Variants in PRMT8 observed in about 807,000 individuals in gnomAD.
PRMT8 encodes protein arginine N-methyltransferase 8.
Under a neutral mutation model 47.1 loss-of-function variants are expected in PRMT8, and 7 were observed. That is an observed-to-expected ratio of 0.15 (90% CI 0.08 to 0.28). The LOEUF (loss-of-function observed/expected upper bound fraction) is 0.28. Among genes scored for constraint, PRMT8 ranks in the 10% least tolerant of loss-of-function variants. The pLI is 1.00. For synonymous variants in PRMT8, 188 were observed against 186.5 expected, an observed-to-expected ratio of 1.01 and a Z score of -0.07; for missense variants, 237 against 505.4, an observed-to-expected ratio of 0.47 and a Z score of 5.09.
chr12:3,551,076 A>ACCCCCCCCCCCCCCCCCCCCCCCCCCC (rs3837513), intron 3 of PRMT8: 1 of 137,114 alleles, frequency 7.3e-6, no homozygotes. Context: ...AGCCCTGGGG[A>ACCCCCCCCCCCCCCCCCCCCCCCCCCC]CCCCCCCCCG....
At chr12:3,558,913 A>G (rs1191669301) in intron 4 of PRMT8, among the ~76,000 whole-genome samples, 3 of 152,050 alleles carry the variant, frequency 2.0e-5, no homozygotes, top group Non-Finnish European at 4.4e-5. Flanking sequence ...GAGAGCATGT[A>G]AATATTTCAT....
intron 4 of PRMT8, among the ~76,000 whole-genome samples, chr12:3,560,749 A>T (rs1449869998): frequency 2.0e-5 from 3 of 152,192 alleles, no homozygotes; most frequent in African/African-American, 7.2e-5. Context: ...TTAAGGTAGC[A>T]TGACATGAGG....
chr12:3,449,397 T>C (rs1864893979), intron 1 of PRMT8, among the ~76,000 whole-genome samples: 1 of 152,232 alleles, frequency 6.6e-6, no homozygotes, highest in African/African-American at 2.4e-5. Context: ...CACCAGCATC[T>C]GTAGTTTCTT....
At chr12:3,522,659 A>C (rs1408039634) in intron 1 of PRMT8, among the ~76,000 whole-genome samples, 116 of 151,744 alleles carry the variant, frequency 7.6e-4, no homozygotes, top group African/African-American at 2.5e-3. Flanking sequence ...AAAAAAAAAA[A>C]AAAAAAAAAC....
rs1005093101 is a variant in PRMT8 at position 3,493,926 on chromosome 12, G to A, written c.75+2226G>A. Among the ~76,000 whole-genome samples the A allele has an allele frequency of 2.0e-5, 3 of 152,226 alleles. No individual in the cohort carries two copies. The East Asian group carries it at 5.8e-4, about 29-fold the overall frequency. ...GTTCTTAGCAACTTCCCTGGAGAAG[G>A]GGTAGAACCCAGACTTGGTCAAACG... On this transcript the variant is annotated intron_variant, in intron 1 of 9. Coordinates refer to ENST00000382622, the MANE Select transcript of PRMT8 (RefSeq NM_019854.5). This position sits in a 1 kb window ranked among gnomAD's most constrained non-coding sequence, Gnocchi z 8.2.
intron 1 of PRMT8, among the ~76,000 whole-genome samples, chr12:3,509,232 AG>A (rs1865674628): frequency 6.6e-6 from 1 of 152,076 alleles, no homozygotes; most frequent in Non-Finnish European, 1.5e-5. Context: ...CATGCCCCTG[AG>A]TCCTCTTCCA....
At chr12:3,574,793 A>G (rs1191752540) in intron 6 of PRMT8, among the ~76,000 whole-genome samples, 1 of 152,250 alleles carries the variant, frequency 6.6e-6, no homozygotes, top group East Asian at 1.9e-4. Context: ...TCCAAAGCCT[A>G]GGCCTTTAAC....
At position 3,564,124 on chromosome 12, in the gene PRMT8, C is replaced by CA. The variant is rs1866680344; in HGVS notation, c.482-4581dup. Among the ~76,000 whole-genome samples the CA allele has an allele frequency of 6.6e-6, 1 of 152,134 alleles. No individual in the cohort carries two copies. Among genetic ancestry groups the CA allele is most frequent in the African/African-American group, 2.4e-5 (1 of 41,410 alleles). Reference sequence around the variant, plus strand: ...GGTGCAAGGCAGCCAGCATGGGTGTCACCAAAATAGGTGTATGAGCAAGGA... The same window carrying CA: ...GGTGCAAGGCAGCCAGCATGGGTGTCAACCAAAATAGGTGTATGAGCAAGGA... On this transcript the variant is annotated intron_variant, in intron 4 of 9. Coordinates refer to ENST00000382622, the MANE Select transcript of PRMT8 (RefSeq NM_019854.5). This position sits in a 1 kb window ranked among gnomAD's most constrained non-coding sequence, Gnocchi z 4.0.
intron 1 of PRMT8, among the ~76,000 whole-genome samples, chr12:3,466,370 T>C (rs1374845521): frequency 6.6e-6 from 1 of 152,198 alleles, no homozygotes; most frequent in Non-Finnish European, 1.5e-5. Context: ...CAATGAGATG[T>C]GCTTTTGTTC....
Position 3,564,676 on chromosome 12 carries a change from G to A in PRMT8, c.482-4030G>A, listed in dbSNP as rs11062723. ...CTGGAATAAAAACATGGATCCGGACGGTGACCTCAGTGCAACCTTGAGTTG... is the reference window on the plus strand; with the variant it reads ...CTGGAATAAAAACATGGATCCGGACAGTGACCTCAGTGCAACCTTGAGTTG... On this transcript the variant is annotated intron_variant, in intron 4 of 9. Coordinates refer to ENST00000382622, the MANE Select transcript of PRMT8 (RefSeq NM_019854.5). This position sits in a 1 kb window ranked among gnomAD's most constrained non-coding sequence, Gnocchi z 4.0. Among the ~76,000 whole-genome samples the A allele has an allele frequency of 0.27, 41,182 of 152,190 alleles. 5,841 individuals are homozygous for A. The highest frequency in any genetic ancestry group is 0.43 in the East Asian group (2,244 of 5,182).
chr12:3,546,319 G>T (rs1866326883), intron 2 of PRMT8, among the ~76,000 whole-genome samples: 1 of 152,132 alleles, frequency 6.6e-6, no homozygotes, highest in South Asian at 2.1e-4. Flanking sequence ...GTAAGTTGAA[G>T]AAAGGAAATA....
intron 1 of PRMT8, among the ~76,000 whole-genome samples, chr12:3,437,622 C>CTATATATATATATATATATA (rs57504454): frequency 5.5e-4 from 79 of 142,850 alleles, no homozygotes; most frequent in African/African-American, 2.0e-3. Context: ...TGCATTCAGG[C>CTATATATATATATATATATA]TATATATATA....
At chr12:3,467,773 C>T (rs1865117514) in intron 1 of PRMT8, among the ~76,000 whole-genome samples, 1 of 152,120 alleles carries the variant, frequency 6.6e-6, no homozygotes, top group African/African-American at 2.4e-5. Context: ...ATCAGATCAC[C>T]AGGAAAAGTC....
At chr12:3,589,075 A>G (rs1216302162) in intron 8 of PRMT8, among the ~76,000 whole-genome samples, 1 of 152,212 alleles carries the variant, frequency 6.6e-6, no homozygotes, top group African/African-American at 2.4e-5. Context: ...AAAATCATAT[A>G]CCACTCTAAT....
intron 1 of PRMT8, among the ~76,000 whole-genome samples, chr12:3,407,105 T>C (rs1267597526): frequency 6.6e-6 from 1 of 152,252 alleles, no homozygotes; most frequent in East Asian, 1.9e-4. Flanking sequence ...CTTCTTAATA[T>C]GGTGGCAGGA....
At chr12:3,403,665 G>T (rs554159241) in intron 1 of PRMT8, among the ~76,000 whole-genome samples, 34 of 151,938 alleles carry the variant, frequency 2.2e-4, no homozygotes, top group Admixed American at 2.2e-3. Flanking sequence ...GATCACTTGA[G>T]CTCAGGAGCT....
Position 3,565,261 on chromosome 12 carries a change from C to CT in PRMT8, c.482-3434dup, listed in dbSNP as rs933798017. Among the ~76,000 whole-genome samples the CT allele has an allele frequency of 2.2e-3, 322 of 146,984 alleles. 1 individual carries two copies. Among genetic ancestry groups the CT allele is most frequent in the Middle Eastern group, 7.0e-3 (2 of 286 alleles). On this transcript the variant is annotated intron_variant, in intron 4 of 9. Transcript: ENST00000382622. ...AAGAATTTCAGATTCAACCTCCCTT[C>CT]TTTTTTTTTTTCCTAATGAGGAAAA...
intron 1 of PRMT8, among the ~76,000 whole-genome samples, chr12:3,425,452 T>A (rs538501454): frequency 6.6e-6 from 1 of 152,370 alleles, no homozygotes; most frequent in South Asian, 2.1e-4. Flanking sequence ...TAACTGCCAT[T>A]TTTTAAAATT....
intron 2 of PRMT8, among the ~76,000 whole-genome samples, chr12:3,549,486 C>A (rs548137213): frequency 1.5e-5 from 2 of 132,516 alleles, no homozygotes; most frequent in Non-Finnish European, 3.2e-5. Flanking sequence ...CAGAGAAACA[C>A]ATTTTCTAGT....
Sources: gnomAD v4.1 joint callset for allele counts (sites outside exome capture counted in the v4.1 genomes callset) on GRCh38, gnomAD v4.1.1 for gene constraint, Gnocchi (gnomAD v3.1) non-coding constraint, MANE v1.5 for transcripts, NCBI Gene and HGNC (gene_info 2026-07-23, HGNC 2026-07-21) for gene names.